Variants in C2CD3 observed in about 807,000 individuals in gnomAD.
The protein encoded by C2CD3 is C2 domain-containing protein 3.
Under a neutral mutation model 234.0 loss-of-function variants are expected in C2CD3, and 148 were observed. That is an observed-to-expected ratio of 0.63 (90% CI 0.55 to 0.72). The LOEUF (loss-of-function observed/expected upper bound fraction) is 0.72. C2CD3 is among the 30% of genes least tolerant of loss of function. The pLI is 0.00. For synonymous variants in C2CD3, 1,000 were observed against 1,035.4 expected, an observed-to-expected ratio of 0.97 and a Z score of 0.66; for missense variants, 2,577 against 2,811.5, an observed-to-expected ratio of 0.92 and a Z score of 1.89.
chr11:74,124,522 C>T (rs1029497435), intron 7 of C2CD3, among the ~76,000 whole-genome samples: 10 of 152,074 alleles, frequency 6.6e-5, no homozygotes, highest in African/African-American at 1.9e-4. Flanking sequence ...TTGTGACAAC[C>T]GAGAAATGTC....
chr11:74,014,830 G>C (rs976107920), intron 32 of C2CD3, among the ~76,000 whole-genome samples: 4 of 152,152 alleles, frequency 2.6e-5, no homozygotes, highest in African/African-American at 9.7e-5. Flanking sequence ...AAACCTTGAG[G>C]GTCCCTGCCA....
chr11:74,166,311 C>T (rs1361189726), intron 2 of C2CD3, among the ~76,000 whole-genome samples: 4 of 139,316 alleles, frequency 2.9e-5, no homozygotes, highest in Non-Finnish European at 6.1e-5. Flanking sequence ...AGTGAGACTC[C>T]GTCTTAAAAA....
intron 23 of C2CD3, among the ~76,000 whole-genome samples, chr11:74,074,957 G>A (rs1016819892): frequency 1.3e-5 from 2 of 152,046 alleles, no homozygotes; most frequent in African/African-American, 4.8e-5. Flanking sequence ...GGTGGTGTGT[G>A]TCTGCAGTCC....
At chr11:74,160,177 C>T (rs1371053163) in intron 3 of C2CD3, among the ~76,000 whole-genome samples, 2 of 152,054 alleles carry the variant, frequency 1.3e-5, no homozygotes, top group Non-Finnish European at 2.9e-5. Context: ...CTGACGTTCG[C>T]ACAAGGATGA....
intron 28 of C2CD3, among the ~76,000 whole-genome samples, chr11:74,044,253 C>T (rs142966225): frequency 6.0e-4 from 92 of 152,114 alleles, no homozygotes; most frequent in Middle Eastern, 3.4e-3. Context: ...GTCAAGAGAT[C>T]GAGACCATAG....
chr11:74,055,205 T>A (rs1953898675), intron 25 of C2CD3, among the ~76,000 whole-genome samples: 1 of 152,326 alleles, frequency 6.6e-6, no homozygotes, highest in Admixed American at 6.5e-5. Flanking sequence ...AATGGTTTGC[T>A]TGAGGTCACT....
chr11:74,086,594 C>A (rs971464799), intron 20 of C2CD3, among the ~76,000 whole-genome samples: 13 of 152,202 alleles, frequency 8.5e-5, no homozygotes, highest in Admixed American at 2.6e-4. Context: ...TTATGGTCAA[C>A]AAGAAAACAC....
intron 20 of C2CD3, among the ~76,000 whole-genome samples, chr11:74,087,635 G>A (rs569488400): frequency 6.6e-6 from 1 of 152,092 alleles, no homozygotes; most frequent in African/African-American, 2.4e-5. Context: ...ATATACAAAA[G>A]AAAGAACTTG....
chr11:74,064,058 C>A (rs1954385194), intron 24 of C2CD3, among the ~76,000 whole-genome samples: 1 of 151,962 alleles, frequency 6.6e-6, no homozygotes, highest in Non-Finnish European at 1.5e-5. Context: ...CCGTCCCACC[C>A]CACAACAGTC....
In C2CD3 at chr11:74,158,064, C is replaced by T. The variant is rs1052219036; in HGVS notation, c.483+3335G>A. Reference sequence around the variant, plus strand: ...AGTGGACTAGACTTAAATGTAAGATCTAGGACTATAAAACGACTAGAAGAA... The same window carrying T: ...AGTGGACTAGACTTAAATGTAAGATTTAGGACTATAAAACGACTAGAAGAA... On this transcript the variant is annotated intron_variant, in intron 3 of 32. Coordinates refer to ENST00000334126, the MANE Select transcript of C2CD3 (RefSeq NM_001286577.2). Among the ~76,000 whole-genome samples, 9 of 152,178 alleles carry T rather than the reference C, an allele frequency of 5.9e-5. No individual in the cohort carries two copies. The East Asian group carries it at 1.7e-3, about 29-fold the overall frequency.
chr11:74,132,921 G>A lies in C2CD3; in HGVS notation c.1140C>T (p.Leu380=). Residue 380 remains leucine, a synonymous_variant, in exon 7 of 33, where the codon CTC becomes CTT. Transcript: ENST00000334126. ...AAAATGTATTCTCAGTTGAAGGGAG[G>A]AGGTGATCTTCAATGTGGTCTTTAA... ...NRFKDHIEDH[L]LPSTENTFWR... is the part of the protein sequence containing the mutation. 1.2e-6 allele frequency: 2 copies of A among 1,612,578 alleles called. No individual in the cohort carries two copies. The highest frequency in any genetic ancestry group is 8.5e-7 in the Non-Finnish European group (1 of 1,178,588).
In C2CD3 at chr11:74,132,870, G is replaced by A; in HGVS notation, c.1191C>T (p.Thr397=). 1 of 1,613,650 alleles carries A rather than the reference G, an allele frequency of 6.2e-7. No homozygotes were observed. The highest frequency in any genetic ancestry group is 1.1e-5 in the South Asian group (1 of 91,062). The change falls in exon 7 of 33, where the codon ACC becomes ACT. Residue 397 remains threonine, a synonymous_variant. Coordinates refer to ENST00000334126, the MANE Select transcript of C2CD3 (RefSeq NM_001286577.2). The stretch of plus-strand genomic sequence containing the variant: ...TGCCTAATAGCAGCTGTATAGCTCT[G>A]GTATCAGCTTTTGTGTCATGTCTCC... ...TFWRHDTKAD[T]RAIQLLLGSA... is the part of the protein sequence containing the mutation.
chr11:74,133,612 G>A lies in C2CD3; in HGVS notation c.956-55C>T, dbSNP rs1957752829. The A allele has an allele frequency of 6.3e-6, 10 of 1,589,396 alleles. No homozygotes were observed. In the Admixed American group the frequency reaches 6.7e-5, roughly 11 times the overall value. On this transcript the variant is annotated intron_variant, in intron 5 of 32. Transcript: ENST00000334126. ...AATCCAAAATGCAGCAGAAACATTT[G>A]GAATATTCAGTGCATTTCCTTCTAT... is the stretch of plus-strand genomic sequence containing the variant.
At chr11:74,137,091 G>A (rs1051640663) in intron 5 of C2CD3, among the ~76,000 whole-genome samples, 1 of 149,690 alleles carries the variant, frequency 6.7e-6, no homozygotes. Flanking sequence ...CGAACTCCTA[G>A]GCTCAAGTGA....
intron 28 of C2CD3, among the ~76,000 whole-genome samples, chr11:74,043,977 C>T (rs990894152): frequency 2.6e-5 from 4 of 152,028 alleles, no homozygotes; most frequent in African/African-American, 9.7e-5. Context: ...ATGTGCACCA[C>T]CAAGTCTGAG....
intron 14 of C2CD3, among the ~76,000 whole-genome samples, 186 bp downstream of exon 14, chr11:74,102,945 A>T (rs1350318873): frequency 6.6e-6 from 1 of 152,208 alleles, no homozygotes; most frequent in African/African-American, 2.4e-5. Flanking sequence ...AAAGACAAAC[A>T]GTTTTAAAAT....
At chr11:74,143,986 A>G (rs1854985494) in intron 3 of C2CD3, among the ~76,000 whole-genome samples, 1 of 152,184 alleles carries the variant, frequency 6.6e-6, no homozygotes, top group South Asian at 2.1e-4. Context: ...GGCTCATTTC[A>G]TCTAAGTTGT....
At chr11:74,104,903 G>C (rs1010729671) in intron 13 of C2CD3, among the ~76,000 whole-genome samples, 2 of 152,168 alleles carry the variant, frequency 1.3e-5, no homozygotes, top group Non-Finnish European at 2.9e-5. Flanking sequence ...ACCCCTTTCT[G>C]ATTTTAAACT....
chr11:74,017,619 T>C (rs1951926364), intron 32 of C2CD3, among the ~76,000 whole-genome samples: 1 of 152,196 alleles, frequency 6.6e-6, no homozygotes, highest in Non-Finnish European at 1.5e-5. Context: ...TACCACTTCT[T>C]AGCCAAGCGG....
Sources: gnomAD v4.1 joint callset for allele counts (sites outside exome capture counted in the v4.1 genomes callset) on GRCh38, gnomAD v4.1.1 for gene constraint, MANE v1.5 for transcripts, NCBI Gene and HGNC (gene_info 2026-07-23, HGNC 2026-07-21) for gene names.